Variants in MSN observed in about 807,000 individuals in gnomAD.
The protein encoded by MSN is epididymis luminal protein 70.
In MSN, 2 loss-of-function variants were observed where a neutral mutation model predicts 48.0. The ratio of observed to expected loss-of-function variants is 0.04; its 90% confidence interval spans 0.02 to 0.13. The LOEUF (loss-of-function observed/expected upper bound fraction) is 0.13, where lower values mean the gene tolerates loss of function less well. Ranked by LOEUF, MSN falls within the 10% of genes least tolerant of loss-of-function variation. The pLI is 1.00. For missense variants in MSN, 267 were observed against 470.1 expected (o/e 0.57, Z 3.99); for synonymous variants, 146 against 166.9 (o/e 0.87, Z 0.97).
chrX:65,654,027 C>G (rs928301507), intron 1 of MSN, among the ~76,000 whole-genome samples: 4 of 109,322 alleles, frequency 3.7e-5, no homozygotes, highest in African/African-American at 1.0e-4. Flanking sequence ...CCGCCTGCCT[C>G]GGCCTCCCAG....
At chrX:65,638,898 A>G (rs1569456971) in intron 1 of MSN, among the ~76,000 whole-genome samples, 2 of 111,987 alleles carry the variant, frequency 1.8e-5, no homozygotes, top group Non-Finnish European at 3.8e-5. Context: ...TCCTAGTGTG[A>G]TCTTCAGCAA....
intron 1 of MSN, among the ~76,000 whole-genome samples, chrX:65,605,696 C>T (rs1569453209): frequency 9.0e-6 from 1 of 111,236 alleles, no homozygotes; most frequent in Non-Finnish European, 1.9e-5. Flanking sequence ...CTCCTTTTCT[C>T]ACCGTGATTC....
intron 1 of MSN, among the ~76,000 whole-genome samples, chrX:65,650,064 T>TC (rs1275202397): frequency 1.1e-5 from 1 of 90,786 alleles, no homozygotes; most frequent in African/African-American, 4.3e-5. Flanking sequence ...TTTTTTTTTT[T>TC]TTTTTTTTTT....
chrX:65,619,563 T>C (rs1447954014), intron 1 of MSN, among the ~76,000 whole-genome samples: 412 of 85,864 alleles, frequency 4.8e-3, no homozygotes, highest in African/African-American at 9.0e-3. Context: ...CTCCATCAGC[T>C]CCTTTAAGCA....
chrX:65,593,199 C>T (rs1455078681), intron 1 of MSN: 1 of 108,613 alleles, frequency 9.2e-6, no homozygotes, highest in Non-Finnish European at 1.9e-5. Context: ...TTTTTCCTCC[C>T]TCCTTTTCCT....
chrX:65,617,879 T>C (rs1196469538), intron 1 of MSN, among the ~76,000 whole-genome samples: 1 of 110,359 alleles, frequency 9.1e-6, no homozygotes, highest in Non-Finnish European at 1.9e-5. Flanking sequence ...CTGCTTTGAA[T>C]GCATCCCAGA....
intron 1 of MSN, among the ~76,000 whole-genome samples, chrX:65,690,584 A>G (rs777775488): frequency 2.7e-5 from 3 of 111,742 alleles, no homozygotes; most frequent in South Asian, 3.7e-4. Context: ...GCATCAAGAC[A>G]TTCAGTTAGT....
chrX:65,615,149 A>G (rs1157853814), intron 1 of MSN, among the ~76,000 whole-genome samples: 1 of 110,308 alleles, frequency 9.1e-6, no homozygotes, highest in Non-Finnish European at 1.9e-5. Context: ...ATTGTGAATA[A>G]TGCTACAACA....
chrX:65,605,950 A>T (rs1315200050), intron 1 of MSN, among the ~76,000 whole-genome samples: 1 of 110,516 alleles, frequency 9.0e-6, no homozygotes, highest in Non-Finnish European at 1.9e-5. Context: ...TTGATTAATC[A>T]ATCAATTTTT....
chrX:65,640,592 G>A (rs2070641835), intron 1 of MSN, among the ~76,000 whole-genome samples: 1 of 110,903 alleles, frequency 9.0e-6, no homozygotes, highest in Admixed American at 9.7e-5. Flanking sequence ...TACTTCTGTG[G>A]GATAACACTA....
At chrX:65,589,320 C>A (rs192446915) in intron 1 of MSN, among the ~76,000 whole-genome samples, 126 of 109,538 alleles carry the variant, frequency 1.2e-3, no homozygotes, top group African/African-American at 4.0e-3. Context: ...CTGCTGTATA[C>A]CGTGGCACAA....
At chrX:65,722,666 C>T (rs5964451) in intron 2 of MSN, among the ~76,000 whole-genome samples, 19,017 of 109,996 alleles carry the variant, frequency 0.17, 4,097 homozygotes, top group African/African-American at 0.6. Context: ...AGATCTGCCC[C>T]GCCCCAGCCT....
At chrX:65,621,082 A>ATTTTTTTTTTT (rs1409942075) in intron 1 of MSN, among the ~76,000 whole-genome samples, 1 of 109,103 alleles carries the variant, frequency 9.2e-6, no homozygotes, top group African/African-American at 3.4e-5. Flanking sequence ...CGCCTGGCTA[A>ATTTTTTTTTTT]TTTTTTGTAT....
chrX:65,664,719 C>T (rs1258821464), upstream of MSN, among the ~76,000 whole-genome samples: 1 of 106,382 alleles, frequency 9.4e-6, no homozygotes, highest in Non-Finnish European at 1.9e-5. Context: ...CTCTGACACC[C>T]CCTGCCCCTG....
chrX:65,603,580 C>A (rs2070255239), intron 1 of MSN, among the ~76,000 whole-genome samples: 2 of 111,628 alleles, frequency 1.8e-5, no homozygotes, highest in African/African-American at 6.5e-5. Flanking sequence ...AATTTAATTT[C>A]TAATAATAAT....
At chrX:65,603,297 C>CA (rs2070252966) in intron 1 of MSN, among the ~76,000 whole-genome samples, 1 of 111,352 alleles carries the variant, frequency 9.0e-6, no homozygotes, top group Admixed American at 9.6e-5. Flanking sequence ...AACTCCATCT[C>CA]AAAAAACAAA....
chrX:65,602,653 C>G (rs1291534336), intron 1 of MSN, among the ~76,000 whole-genome samples: 1 of 111,491 alleles, frequency 9.0e-6, no homozygotes, highest in Non-Finnish European at 1.9e-5. Flanking sequence ...GGCTGTGTGA[C>G]AGTGGGCAGT....
intron 1 of MSN, among the ~76,000 whole-genome samples, chrX:65,630,405 T>C (rs1204429606): frequency 9.1e-6 from 1 of 110,351 alleles, no homozygotes; most frequent in Non-Finnish European, 1.9e-5. Flanking sequence ...AGTCCATTTG[T>C]TAAAAAATAA....
intron 1 of MSN, among the ~76,000 whole-genome samples, chrX:65,660,235 C>A (rs2070811478): frequency 8.9e-6 from 1 of 112,070 alleles, no homozygotes; most frequent in East Asian, 2.8e-4. Context: ...GGCACTACTT[C>A]TCTGGCTCTA....
Sources: gnomAD v4.1 joint callset for allele counts (sites outside exome capture counted in the v4.1 genomes callset) on GRCh38, gnomAD v4.1.1 for gene constraint, MANE v1.5 for transcripts, NCBI Gene and HGNC (gene_info 2026-07-23, HGNC 2026-07-21) for gene names.